Variants in TBC1D5 observed in about 807,000 individuals in gnomAD.
TBC1D5 encodes the protein TBC1 domain family member 5, also known as TBC1 domain family, member 5.
A neutral mutation model predicts 100.3 loss-of-function variants in TBC1D5; 75 were observed. That is an observed-to-expected ratio of 0.75 (90% confidence interval 0.62 to 0.91). The LOEUF (loss-of-function observed/expected upper bound fraction) is 0.91. TBC1D5 is among the 40% of genes least tolerant of loss of function. The pLI is 0.00. For synonymous variants in TBC1D5, 323 were observed against 325.6 expected, an observed-to-expected ratio of 0.99 and a Z score of 0.09; for missense variants, 910 against 942.4, an observed-to-expected ratio of 0.97 and a Z score of 0.45.
chr3:17,604,606 G>A (rs765956479), intron 2 of TBC1D5, among the ~76,000 whole-genome samples: 1 of 152,072 alleles, frequency 6.6e-6, no homozygotes, highest in Admixed American at 6.6e-5. Context: ...TCAGCTGTAC[G>A]TAATTAAGAT....
At chr3:17,238,199 T>A (rs757281834) in exon 17 of TBC1D5, 13 of 1,614,006 alleles carry the variant, frequency 8.1e-6, no homozygotes, top group Non-Finnish European at 1.1e-5. Flanking sequence ...TCTGATTTCA[T>A]CAGCCTCTGC....
intron 13 of TBC1D5, among the ~76,000 whole-genome samples, chr3:17,311,174 T>C (rs1575261012): frequency 6.6e-6 from 1 of 152,152 alleles, no homozygotes; most frequent in Admixed American, 6.5e-5. Context: ...AAATATTTAG[T>C]GAGAGTTTAA....
At position 17,354,947 on chromosome 3, in the gene TBC1D5, C is replaced by A. The variant is rs114116631; in HGVS notation, c.995+17128G>T. On this transcript the variant is annotated intron_variant, in intron 13 of 21. Transcript: ENST00000253692. ...GAGAATAGAAATTTGTTGTTGTCTGCCAAACCACCCAATTGGCTACAATGG... is the reference window on the plus strand; with the variant it reads ...GAGAATAGAAATTTGTTGTTGTCTGACAAACCACCCAATTGGCTACAATGG... Among the ~76,000 whole-genome samples, 645 of 152,116 alleles carry A rather than the reference C, an allele frequency of 4.2e-3. 4 individuals are homozygous for A. The highest frequency in any genetic ancestry group is 0.014 in the African/African-American group (581 of 41,520).
At chr3:17,684,110 A>C (rs2069907587) in intron 1 of TBC1D5, among the ~76,000 whole-genome samples, 1 of 151,866 alleles carries the variant, frequency 6.6e-6, no homozygotes, top group Non-Finnish European at 1.5e-5. Flanking sequence ...TCAAAAGAAG[A>C]CCACATTGGC....
At chr3:17,496,136 C>A (rs2095704356) in intron 3 of TBC1D5, among the ~76,000 whole-genome samples, 1 of 152,038 alleles carries the variant, frequency 6.6e-6, no homozygotes, top group Non-Finnish European at 1.5e-5. Context: ...TTTTAAGGAG[C>A]CAAGAATGCA....
chr3:17,643,677 C>G (rs1433781244), intron 1 of TBC1D5, among the ~76,000 whole-genome samples: 6 of 152,040 alleles, frequency 3.9e-5, no homozygotes, highest in Admixed American at 2.6e-4. Flanking sequence ...TAGTGGACAA[C>G]AGTATTTCAT....
rs116267521 is a variant in TBC1D5, at chr3:17,539,853, C to T, written c.-35-31248G>A. ...CCTGTTTTCAACCATTTTGGGGATA[C>T]ACCCAGAAGTGGCATCACTACATCA... On this transcript the variant is annotated intron_variant, in intron 2 of 21. Coordinates refer to ENST00000253692, the Ensembl canonical transcript of TBC1D5. 7.0e-3 allele frequency among the ~76,000 whole-genome samples: 1,064 copies of T among 152,284 alleles called. 13 individuals carry two copies. The highest frequency in any genetic ancestry group is 0.024 in the African/African-American group (979 of 41,556).
exon 18 of TBC1D5, chr3:17,214,267 G>C: frequency 6.2e-7 from 1 of 1,613,406 alleles, no homozygotes; most frequent in Non-Finnish European, 8.5e-7. Context: ...TGCTAAAAAA[G>C]GAATCTTTTT....
intron 13 of TBC1D5, among the ~76,000 whole-genome samples, chr3:17,339,480 A>C (rs1219206732): frequency 6.6e-6 from 1 of 152,212 alleles, no homozygotes; most frequent in Non-Finnish European, 1.5e-5. Context: ...CCATCAAGCT[A>C]ATCTTTCTCT....
chr3:17,196,436 C>G (rs999610015), intron 18 of TBC1D5, among the ~76,000 whole-genome samples: 7 of 152,100 alleles, frequency 4.6e-5, no homozygotes, highest in Non-Finnish European at 8.8e-5. Flanking sequence ...AGAAAGCATG[C>G]TTGGTTTAAG....
chr3:17,545,139 T>C (rs2096402319), intron 2 of TBC1D5, among the ~76,000 whole-genome samples: 1 of 152,170 alleles, frequency 6.6e-6, no homozygotes, highest in South Asian at 2.1e-4. Context: ...GAAAAAATCG[T>C]ACATTGAAAC....
intron 3 of TBC1D5, among the ~76,000 whole-genome samples, chr3:17,437,562 ATGTG>A (rs60714048): frequency 1.4e-5 from 2 of 140,058 alleles, no homozygotes; most frequent in Non-Finnish European, 3.1e-5. Context: ...GGTAGTATGC[ATGTG>A]TGTGTGTGTG....
intron 1 of TBC1D5, among the ~76,000 whole-genome samples, chr3:17,721,166 C>A (rs549841788): frequency 1.6e-3 from 250 of 151,816 alleles, no homozygotes; most frequent in African/African-American, 5.3e-3. Flanking sequence ...ACAACAACAA[C>A]AAAAAATTAT....
rs1483393170 is a variant in TBC1D5 at position 17,406,540 on chromosome 3, A to G, written c.168-14T>C. On this transcript the variant is annotated splice_polypyrimidine_tract_variant and intron_variant, in intron 4 of 21. Coordinates refer to ENST00000253692, the Ensembl canonical transcript of TBC1D5. Reference sequence around the variant, plus strand: ...TCCCATTCTTTCCTATATGAAAGAAACCAAAGCATGAGAATCCTTTTGTTA... The same window carrying G: ...TCCCATTCTTTCCTATATGAAAGAAGCCAAAGCATGAGAATCCTTTTGTTA... 6.3e-7 allele frequency: 1 copy of G among 1,595,550 alleles called. No homozygotes were observed. The highest frequency in any genetic ancestry group is 1.7e-5 in the Admixed American group (1 of 58,428).
At chr3:17,508,443 C>A in intron 3 of TBC1D5, 31 bp downstream of exon 3, 1 of 1,567,122 alleles carries the variant, frequency 6.4e-7, no homozygotes, top group Non-Finnish European at 8.8e-7. Flanking sequence ...CAGTACACTA[C>A]CTACAAATAG....
In TBC1D5 at chr3:17,408,268, AACACACACAC is replaced by A. The variant is rs3041146; in HGVS notation, c.168-1752_168-1743del. ...ATGAAAAGCCCTCAGAAGACTATCCAACACACACACACACACACACACACACACACACACA... is the reference window on the plus strand; with the variant it reads ...ATGAAAAGCCCTCAGAAGACTATCCAACACACACACACACACACACACACA... On this transcript the variant is annotated intron_variant, in intron 4 of 21. Coordinates refer to ENST00000253692, the Ensembl canonical transcript of TBC1D5. 1.7e-3 allele frequency among the ~76,000 whole-genome samples: 247 copies of A among 144,114 alleles called. 1 individual carries two copies. The highest frequency in any genetic ancestry group is 5.2e-3 in the East Asian group (24 of 4,600). 94.5% of individuals were successfully genotyped at this position (144,114 alleles called of 152,430 possible).
chr3:17,647,778 T>A (rs1300844054), intron 1 of TBC1D5, among the ~76,000 whole-genome samples: 1 of 152,144 alleles, frequency 6.6e-6, no homozygotes, highest in East Asian at 1.9e-4. Flanking sequence ...AGTAGCCTGA[T>A]CTGATAATCA....
Position 17,574,090 on chromosome 3 carries a change from C to A in TBC1D5, c.-36+49759G>T, listed in dbSNP as rs116449765. Among the ~76,000 whole-genome samples the A allele has an allele frequency of 5.5e-3, 842 of 152,120 alleles. 6 individuals carry two copies. Among genetic ancestry groups the A allele is most frequent in the African/African-American group, 0.019 (808 of 41,512 alleles). ...TCTGCTTGGTCGCTCTCACCTCTGT[C>A]TTTAATGCAGAATGAAAGGCCTCTC... On this transcript the variant is annotated intron_variant, in intron 2 of 21. Transcript: ENST00000253692.
intron 16 of TBC1D5, among the ~76,000 whole-genome samples, chr3:17,254,940 GTAGAAT>G (rs1262227699): frequency 6.6e-6 from 1 of 152,156 alleles, no homozygotes; most frequent in Non-Finnish European, 1.5e-5. Flanking sequence ...GAGTGTGGGA[GTAGAAT>G]CAACAGTTCT....
Sources: gnomAD v4.1 joint callset for allele counts (sites outside exome capture counted in the v4.1 genomes callset) on GRCh38, gnomAD v4.1.1 for gene constraint, MANE v1.5 for transcripts, NCBI Gene and HGNC (gene_info 2026-07-23, HGNC 2026-07-21) for gene names.